The following CMSS1 variants were observed in gnomAD, a reference collection of about 807,000 sequenced individuals.
The protein encoded by CMSS1 is protein CMSS1.
CMSS1 carries 33 observed loss-of-function variants against 43.5 expected under a neutral mutation model. The observed-to-expected ratio is 0.76, with a 90% confidence interval of 0.57 to 1.01. The LOEUF is 1.01. CMSS1 is among the 50% of genes least tolerant of loss of function. The pLI is 0.00. For missense variants in CMSS1, 313 were observed against 326.4 expected (o/e 0.96, Z 0.32); for synonymous variants, 115 against 117.2 (o/e 0.98, Z 0.12).
intron 1 of CMSS1, chr3:100,011,650 T>G (rs1710160421): frequency 6.6e-6 from 1 of 152,208 alleles, no homozygotes. Context: ...AGGATGTCAT[T>G]GATGTTCTGC....
At chr3:100,030,903 T>A (rs2065011693) in intron 1 of CMSS1, among the ~76,000 whole-genome samples, 1 of 152,184 alleles carries the variant, frequency 6.6e-6, no homozygotes, top group Non-Finnish European at 1.5e-5. Flanking sequence ...ATATAGATAT[T>A]CTTGGCTTAA....
intron 1 of CMSS1, among the ~76,000 whole-genome samples, chr3:99,862,241 G>A (rs1203756563): frequency 6.6e-6 from 1 of 152,056 alleles, no homozygotes; most frequent in Non-Finnish European, 1.5e-5. Flanking sequence ...AAAAATAAGT[G>A]CTACTTGCTT....
At chr3:99,872,887 T>C (rs1705304882) in intron 1 of CMSS1, among the ~76,000 whole-genome samples, 1 of 151,756 alleles carries the variant, frequency 6.6e-6, no homozygotes, top group Admixed American at 6.6e-5. Flanking sequence ...ACGATGTTAG[T>C]GCAGATGAAG....
At chr3:100,138,860 A>G (rs1208875270) in intron 1 of CMSS1, among the ~76,000 whole-genome samples, 2 of 152,236 alleles carry the variant, frequency 1.3e-5, no homozygotes, top group African/African-American at 2.4e-5. Flanking sequence ...CCAAAGGAAT[A>G]TAAATCATTC....
At chr3:99,983,464 GTATA>G (rs1191587665) in intron 1 of CMSS1, among the ~76,000 whole-genome samples, 699 of 12,338 alleles carry the variant, frequency 0.057, 8 homozygotes, top group Non-Finnish European at 0.09. Flanking sequence ...ATATATGTGT[GTATA>G]TATATATATA....
At chr3:99,835,073 ACTT>A (rs1375635468) in intron 1 of CMSS1, among the ~76,000 whole-genome samples, 6 of 152,040 alleles carry the variant, frequency 3.9e-5, no homozygotes, top group Non-Finnish European at 2.9e-5. Flanking sequence ...CATAATCCTA[ACTT>A]CTTTGATTGT....
chr3:100,079,288 A>G (rs1376759859), intron 1 of CMSS1, among the ~76,000 whole-genome samples: 1 of 152,226 alleles, frequency 6.6e-6, no homozygotes, highest in Non-Finnish European at 1.5e-5. Flanking sequence ...AAGTATTCAA[A>G]AAGCCAGCCT....
intron 1 of CMSS1, chr3:100,040,333 A>G (rs187543143): frequency 6.6e-6 from 1 of 152,318 alleles, no homozygotes; most frequent in East Asian, 1.9e-4. Flanking sequence ...AATAAATACT[A>G]TTTATCCAGG....
intron 1 of CMSS1, among the ~76,000 whole-genome samples, chr3:100,044,573 G>A (rs1246954690): frequency 6.6e-6 from 1 of 152,166 alleles, no homozygotes; most frequent in Admixed American, 6.5e-5. Flanking sequence ...AGAGCCCAGT[G>A]AAAGAGAGGG....
intron 1 of CMSS1, among the ~76,000 whole-genome samples, chr3:100,105,595 A>G (rs1226528635): frequency 2.6e-5 from 4 of 152,206 alleles, no homozygotes; most frequent in Non-Finnish European, 1.5e-5. Context: ...AGCAGAATTG[A>G]TAAGGTATTT....
At chr3:99,843,030 G>C (rs936671183) in intron 1 of CMSS1, among the ~76,000 whole-genome samples, 1 of 152,226 alleles carries the variant, frequency 6.6e-6, no homozygotes, top group African/African-American at 2.4e-5. Context: ...GGAAAGGAAA[G>C]GGCTTGAAGT....
At chr3:99,852,364 A>G (rs1943738646) in intron 1 of CMSS1, among the ~76,000 whole-genome samples, 1 of 152,230 alleles carries the variant, frequency 6.6e-6, no homozygotes, top group South Asian at 2.1e-4. Context: ...TGAGTTAATT[A>G]TCAAATGCAT....
At chr3:99,865,995 G>C (rs1050723551) in intron 1 of CMSS1, among the ~76,000 whole-genome samples, 2 of 151,928 alleles carry the variant, frequency 1.3e-5, no homozygotes, top group Admixed American at 1.3e-4. Flanking sequence ...TTTTCACTTA[G>C]ATATTGCACG....
intron 1 of CMSS1, among the ~76,000 whole-genome samples, chr3:100,131,023 G>C (rs2066702101): frequency 6.6e-6 from 1 of 152,206 alleles, no homozygotes; most frequent in Admixed American, 6.5e-5. Context: ...AAATGCCCCA[G>C]GGTAATCAAG....
chr3:100,033,332 A>C (rs1408743043), intron 1 of CMSS1, among the ~76,000 whole-genome samples: 1 of 152,080 alleles, frequency 6.6e-6, no homozygotes, highest in Middle Eastern at 3.2e-3. Context: ...CCTCACCTCT[A>C]TCGAGTGGCA....
At chr3:100,139,189 T>C (rs562371871) in intron 1 of CMSS1, among the ~76,000 whole-genome samples, 6 of 152,034 alleles carry the variant, frequency 3.9e-5, no homozygotes, top group Admixed American at 2.6e-4. Context: ...CAGGGCCTGT[T>C]GTTGGGTGAG....
chr3:100,054,492 G>GTTATA (rs1220573493), intron 1 of CMSS1, among the ~76,000 whole-genome samples: 19 of 33,684 alleles, frequency 5.6e-4, no homozygotes, highest in Non-Finnish European at 9.2e-4. Flanking sequence ...GTTATGTTTT[G>GTTATA]TTATGTTATG....
chr3:99,896,831 G>A (rs992196295), intron 1 of CMSS1, among the ~76,000 whole-genome samples: 1 of 152,088 alleles, frequency 6.6e-6, no homozygotes, highest in African/African-American at 2.4e-5. Context: ...CTAATAAATT[G>A]AAAGCACAGT....
At chr3:99,840,553 A>G (rs550375022) in intron 1 of CMSS1, among the ~76,000 whole-genome samples, 2 of 152,326 alleles carry the variant, frequency 1.3e-5, no homozygotes, top group South Asian at 2.1e-4. Context: ...GGAAACATCT[A>G]GTAGTTTTGA....
Sources: gnomAD v4.1 joint callset for allele counts (sites outside exome capture counted in the v4.1 genomes callset) on GRCh38, gnomAD v4.1.1 for gene constraint, MANE v1.5 for transcripts, NCBI Gene and HGNC (gene_info 2026-07-23, HGNC 2026-07-21) for gene names.